The following CREBBP variants were observed in gnomAD, a reference collection of about 807,000 sequenced individuals.
CREBBP encodes the protein CREB binding lysine acetyltransferase, also known as CREB-binding protein.
A neutral mutation model predicts 265.0 loss-of-function variants in CREBBP; 19 were observed. The ratio of observed to expected loss-of-function variants is 0.07; its 90% confidence interval spans 0.05 to 0.11. CREBBP has a LOEUF of 0.11. Ranked by LOEUF, CREBBP falls within the 10% of genes least tolerant of loss-of-function variation. The pLI is 1.00. For synonymous variants in CREBBP, 1,457 were observed against 1,223.7 expected (o/e 1.19, Z -3.98); for missense variants, 2,525 against 3,219.0 (o/e 0.78, Z 5.22).
In CREBBP at chr16:3,725,174, G is replaced by GC. The variant is rs2151293140; in HGVS notation, c.*2543dup. On this transcript the variant is annotated 3_prime_UTR_variant, in exon 31 of 31. Coordinates refer to ENST00000262367, the MANE Select transcript of CREBBP (RefSeq NM_004380.3). Reference sequence around the variant, plus strand: ...TCTTAAGTATACAGCATGAGACACAGCGTTGGGGCTTTCCAGGTTTCTTAC... The same window carrying GC: ...TCTTAAGTATACAGCATGAGACACAGCCGTTGGGGCTTTCCAGGTTTCTTAC... 4.3e-6 allele frequency: 1 copy of GC among 233,552 alleles called. No individual in the cohort carries two copies. The highest frequency in any genetic ancestry group is 6.0e-5 in the East Asian group (1 of 16,570). 14.5% of individuals were successfully genotyped at this position (233,552 alleles called of 1,614,324 possible). A position where few individuals can be genotyped will look rare whatever the true frequency, so the allele number is the denominator to read the frequency against.
intron 10 of CREBBP, 156 bp from the exon 11 acceptor site, chr16:3,777,813 T>G: frequency 2.8e-6 from 3 of 1,078,208 alleles, no homozygotes; most frequent in Non-Finnish European, 4.2e-6. Flanking sequence ...CAGCGCACCC[T>G]GTAAAGGGCC....
At chr16:3,757,010 A>G (rs1208178740) in intron 19 of CREBBP, among the ~76,000 whole-genome samples, 2 of 152,202 alleles carry the variant, frequency 1.3e-5, no homozygotes, top group Non-Finnish European at 1.5e-5. Flanking sequence ...GACTAACAAG[A>G]CACTGAAACC....
In CREBBP at chr16:3,770,985, C is replaced by A. The variant is rs2141204894; in HGVS notation, c.2465G>T (p.Gly822Val). ...QPPAQTGVSQ[G>V]QVPGAALPNP... ...AGGAAGAGCAGCACCAGGCACCTGTCCCTACCAGAAATGGACAGAGTATGG... is the reference window on the plus strand; with the variant it reads ...AGGAAGAGCAGCACCAGGCACCTGTACCTACCAGAAATGGACAGAGTATGG... Residue 822 changes from glycine to valine, a missense_variant and splice_region_variant, in exon 14 of 31, where the codon GGA becomes GTA. Gly to Val is a moderately radical substitution (Grantham distance 109). Around this residue, in one of 19 missense-constraint regions of CREBBP, gnomAD observed 548 missense variants for 533.0 expected, o/e 1.03. Coordinates refer to ENST00000262367, the MANE Select transcript of CREBBP (RefSeq NM_004380.3). 1 of 1,613,312 alleles carries A rather than the reference C, an allele frequency of 6.2e-7. No individual in the cohort carries two copies.
intron 2 of CREBBP, among the ~76,000 whole-genome samples, chr16:3,831,307 T>C (rs2054338139): frequency 6.6e-6 from 1 of 152,166 alleles, no homozygotes; most frequent in African/African-American, 2.4e-5. Flanking sequence ...AATATAAACA[T>C]ATTTTAAACT....
At chr16:3,785,512 G>C (rs1423795060) in intron 5 of CREBBP, among the ~76,000 whole-genome samples, 1 of 152,230 alleles carries the variant, frequency 6.6e-6, no homozygotes. Context: ...TGTCAAATTC[G>C]GTTTTGCTCT....
chr16:3,879,739 A>G lies in CREBBP; in HGVS notation c.85+93T>C, dbSNP rs562417452. 91 of 1,354,726 alleles carry G rather than the reference A, an allele frequency of 6.7e-5. 2 individuals carry two copies. The East Asian group carries it at 1.6e-3, about 24-fold the overall frequency. 83.9% of individuals were successfully genotyped at this position (1,354,726 alleles called of 1,614,324 possible). A position where few individuals can be genotyped will look rare whatever the true frequency, so the allele number is the denominator to read the frequency against. On this transcript the variant is annotated intron_variant, in intron 1 of 30. Transcript: ENST00000262367. ...GGGCCTGCTCCGAGCTCCCGGCTCG[A>G]TCGGTATCCGCGACCACGACCCCCG...
At chr16:3,847,005 A>G (rs576597354) in intron 2 of CREBBP, among the ~76,000 whole-genome samples, 2 of 152,360 alleles carry the variant, frequency 1.3e-5, no homozygotes, top group East Asian at 3.9e-4. Context: ...TCTCCTTTTC[A>G]GAATCTAATC....
chr16:3,861,652 C>CAAAAAAAAAA (rs368654449), intron 1 of CREBBP, among the ~76,000 whole-genome samples: 1 of 121,092 alleles, frequency 8.3e-6, no homozygotes. Context: ...CTCTCTATAC[C>CAAAAAAAAAA]AAAAAAAAAA....
At chr16:3,761,668 C>A in intron 16 of CREBBP, 1 of 493,770 alleles carries the variant, frequency 2.0e-6, no homozygotes, top group South Asian at 1.5e-5. Flanking sequence ...CAGGTAAAAA[C>A]CCCGACGCAG....
Position 3,780,828 on chromosome 16 carries a change from G to A in CREBBP, c.1727C>T (p.Thr576Ile), listed in dbSNP as rs1246624088. 1.2e-6 allele frequency: 2 copies of A among 1,613,868 alleles called. No homozygotes were observed. The highest frequency in any genetic ancestry group is 2.2e-5 in the East Asian group (1 of 44,878). ...SNSGNIGTLS[T>I]IPTAAPPSST... Reference sequence around the variant, plus strand: ...AGAAGGAGGAGCTGCTGTTGGTATAGTGCTGAGGGTTCCAATGTTACCAGA... The same window carrying A: ...AGAAGGAGGAGCTGCTGTTGGTATAATGCTGAGGGTTCCAATGTTACCAGA... Residue 576 changes from threonine to isoleucine, a missense_variant, in exon 8 of 31, where the codon ACT becomes ATT. Around this residue, in one of 19 missense-constraint regions of CREBBP, gnomAD observed 144 missense variants for 134.0 expected, o/e 1.07. Transcript: ENST00000262367.
chr16:3,877,450 T>C (rs1464295351), intron 1 of CREBBP, among the ~76,000 whole-genome samples: 1 of 152,254 alleles, frequency 6.6e-6, no homozygotes, highest in East Asian at 1.9e-4. Context: ...TTACCCAGGC[T>C]GGAGTGCAGT....
chr16:3,744,077 TA>T (rs372236472), intron 23 of CREBBP, among the ~76,000 whole-genome samples: 4 of 148,296 alleles, frequency 2.7e-5, no homozygotes, highest in Non-Finnish European at 3.0e-5. Context: ...TGTCTCAAAT[TA>T]AAAAAAAAAG....
chr16:3,809,305 G>C (rs1336868905), intron 3 of CREBBP, among the ~76,000 whole-genome samples: 2 of 152,056 alleles, frequency 1.3e-5, no homozygotes, highest in African/African-American at 4.8e-5. Flanking sequence ...AGCCTCCTGA[G>C]TAGCTGGAAT....
rs587783507 is a variant in CREBBP, at chr16:3,729,209, T to TG, written c.5837dup (p.Pro1947ThrfsTer19). On this transcript the variant is annotated frameshift_variant, in exon 31 of 31. Transcript: ENST00000262367. LOFTEE classifies it high-confidence loss of function. Reference sequence around the variant, plus strand: ...CTGCAGGAGGGGGCTGGGCCGGGGGTGGGGGGGCCGGCACCTGGCTGGTAG... The same window carrying TG: ...CTGCAGGAGGGGGCTGGGCCGGGGGTGGGGGGGGCCGGCACCTGGCTGGTAG... The TG allele has an allele frequency of 1.6e-5, 4 of 254,458 alleles. No individual in the cohort carries two copies. Among genetic ancestry groups the TG allele is most frequent in the South Asian group, 4.0e-5 (1 of 24,802 alleles). 15.8% of individuals were successfully genotyped at this position (254,458 alleles called of 1,614,324 possible).
intron 3 of CREBBP, among the ~76,000 whole-genome samples, chr16:3,807,002 C>T (rs563059834): frequency 2.0e-5 from 3 of 152,190 alleles, no homozygotes; most frequent in Non-Finnish European, 4.4e-5. Flanking sequence ...CAATCTGAAC[C>T]GCTGAGTGCT....
intron 26 of CREBBP, among the ~76,000 whole-genome samples, chr16:3,737,394 G>A (rs149100272): frequency 6.6e-6 from 1 of 152,042 alleles, no homozygotes; most frequent in African/African-American, 2.4e-5. Flanking sequence ...TAGATTAGTG[G>A]TCGCCTGGGG....
chr16:3,771,063 G>T (rs933206126), intron 13 of CREBBP, 77 bp from the exon 14 acceptor site: 30 of 1,563,664 alleles, frequency 1.9e-5, no homozygotes, highest in Non-Finnish European at 2.4e-5. Flanking sequence ...AAAATTAAAT[G>T]TATGAAAAAA....
chr16:3,845,018 T>C (rs1168617923), intron 2 of CREBBP, among the ~76,000 whole-genome samples: 2 of 152,190 alleles, frequency 1.3e-5, no homozygotes, highest in African/African-American at 4.8e-5. Flanking sequence ...CCTCCTAAAA[T>C]GACTTATAAA....
intron 1 of CREBBP, among the ~76,000 whole-genome samples, chr16:3,877,191 C>T (rs937088112): frequency 2.0e-5 from 3 of 152,186 alleles, no homozygotes; most frequent in East Asian, 3.8e-4. Flanking sequence ...CAATTTTCCC[C>T]TGGGAGCCTC....
Sources: gnomAD v4.1 joint callset for allele counts (sites outside exome capture counted in the v4.1 genomes callset) on GRCh38, gnomAD v4.1.1 for gene constraint, gnomAD v4.1.1 regional missense constraint, MANE v1.5 for transcripts, NCBI Gene and HGNC (gene_info 2026-07-23, HGNC 2026-07-21) for gene names.